CUX1: variants seen among roughly 807,000 people sequenced by gnomAD.
The protein encoded by CUX1 is protein CASP.
CUX1 carries 31 observed loss-of-function variants against 158.8 expected under a neutral mutation model. The ratio of observed to expected loss-of-function variants is 0.20; its 90% CI spans 0.15 to 0.26. The LOEUF (loss-of-function observed/expected upper bound fraction) is 0.26, where lower values mean the gene tolerates loss of function less well. Among genes scored for constraint, CUX1 ranks in the 10% least tolerant of loss-of-function variants. The probability of loss-of-function intolerance (pLI) is 1.00; values close to 1 mark genes in which losing one functional copy is unlikely to be tolerated. For missense variants in CUX1, 1,589 were observed against 2,014.6 expected (o/e 0.79, Z 4.04); for synonymous variants, 879 against 862.1 (o/e 1.02, Z -0.34).
intron 6 of CUX1, among the ~76,000 whole-genome samples, chr7:102,107,972 C>G (rs1478351393): frequency 6.6e-6 from 1 of 152,186 alleles, no homozygotes; most frequent in Non-Finnish European, 1.5e-5. Flanking sequence ...AGTCAAGGCT[C>G]GGACAGATGG....
At chr7:102,066,968 C>T (rs1825617932) in intron 3 of CUX1, among the ~76,000 whole-genome samples, 1 of 152,200 alleles carries the variant, frequency 6.6e-6, no homozygotes, top group African/African-American at 2.4e-5. Flanking sequence ...GCGTTTTAAG[C>T]AGCTTGATTG....
chr7:102,138,369 T>C (rs1834118177), intron 8 of CUX1, among the ~76,000 whole-genome samples: 1 of 152,198 alleles, frequency 6.6e-6, no homozygotes, highest in Admixed American at 6.5e-5. Flanking sequence ...TTCTTTTTTC[T>C]AATTCACAGT....
chr7:101,870,020 G>A (rs1417186292), intron 1 of CUX1, among the ~76,000 whole-genome samples: 1 of 151,526 alleles, frequency 6.6e-6, no homozygotes, highest in Non-Finnish European at 1.5e-5. Context: ...CCCCTCCTGA[G>A]ACCGCCTCCC....
rs563673184 is a variant in CUX1 at position 101,966,088 on chromosome 7, A to G, written c.141+49863A>G. ...TGTTTGTTTTGTTTTGTTTTGGGAC[A>G]GGGTCTCACTCTGTTGCCCAGGCTG... On this transcript the variant is annotated intron_variant, in intron 2 of 23. Transcript: ENST00000292535. Among the ~76,000 whole-genome samples the G allele has an allele frequency of 2.6e-4, 39 of 152,092 alleles. No homozygotes were observed. The South Asian group carries it at 4.8e-3, about 19-fold the overall frequency.
chr7:101,954,097 G>A (rs116999573), intron 2 of CUX1, among the ~76,000 whole-genome samples: 10 of 152,114 alleles, frequency 6.6e-5, no homozygotes, highest in South Asian at 2.1e-4. Flanking sequence ...AGGCTGAGAC[G>A]GGAGGATCAC....
At chr7:102,239,739 TTTTTC>T (rs10634900) in intron 23 of CUX1, among the ~76,000 whole-genome samples, 155 bp downstream of exon 23, 16 of 149,104 alleles carry the variant, frequency 1.1e-4, no homozygotes, top group African/African-American at 1.5e-4. Context: ...TAGGGTTTTT[TTTTTC>T]TTTTCTTTTC....
At chr7:101,963,377 G>A (rs1164881622) in intron 2 of CUX1, among the ~76,000 whole-genome samples, 3 of 152,186 alleles carry the variant, frequency 2.0e-5, no homozygotes, top group Non-Finnish European at 4.4e-5. Context: ...TTGGATTCCA[G>A]CATGTGATGT....
intron 4 of CUX1, among the ~76,000 whole-genome samples, chr7:102,072,935 T>C (rs938281262): frequency 6.6e-6 from 1 of 152,114 alleles, no homozygotes. Flanking sequence ...GAGTTCATTC[T>C]TTGACTTTTT....
In CUX1 at chr7:102,147,719, CGG is replaced by C. The variant is rs2059721296; in HGVS notation, c.675-10840_675-10839del. Among the ~76,000 whole-genome samples the C allele has an allele frequency of 5.3e-5, 8 of 152,150 alleles. No individual in the cohort carries two copies. The South Asian group carries it at 1.7e-3, about 32-fold the overall frequency. The stretch of plus-strand genomic sequence containing the variant: ...GTGTCATTAATTTGCATATTTGGGC[CGG>C]TGCGGTGGCTCATATCTGTCATCCC... On this transcript the variant is annotated intron_variant, in intron 8 of 23. Coordinates refer to ENST00000292535, the MANE Select transcript of CUX1 (RefSeq NM_181552.4).
chr7:102,033,147 C>T (rs529358592), intron 3 of CUX1, among the ~76,000 whole-genome samples: 4 of 152,200 alleles, frequency 2.6e-5, no homozygotes, highest in South Asian at 4.2e-4. Flanking sequence ...AACTAAGCAT[C>T]GGCTTTATAA....
At chr7:102,165,325 A>G (rs868988749) in intron 9 of CUX1, among the ~76,000 whole-genome samples, 7 of 147,658 alleles carry the variant, frequency 4.7e-5, no homozygotes, top group Non-Finnish European at 1.0e-4. Context: ...TCACATCCCA[A>G]TCGGGCACTG....
rs1384795681 is a variant in CUX1, at chr7:102,170,583, C to T, written c.828+33C>T. 5.4e-6 allele frequency: 8 copies of T among 1,468,826 alleles called. No individual in the cohort carries two copies. In the Middle Eastern group the frequency reaches 7.0e-4, roughly 128 times the overall value. 91.0% of individuals were successfully genotyped at this position (1,468,826 alleles called of 1,614,324 possible). On this transcript the variant is annotated intron_variant, in intron 10 of 23. Transcript: ENST00000292535. The stretch of plus-strand genomic sequence containing the variant: ...GCCCCGGCCCCGTGGGGGACTGTCC[C>T]CGCCTGGCCTCCGCACCTTCGAGTT...
chr7:102,047,681 C>T (rs868709261), intron 3 of CUX1, among the ~76,000 whole-genome samples: 2 of 152,166 alleles, frequency 1.3e-5, no homozygotes, highest in Non-Finnish European at 2.9e-5. Context: ...GGAGTAAAAT[C>T]ATCCAACTTG....
At chr7:101,893,150 T>C (rs927668486) in intron 1 of CUX1, among the ~76,000 whole-genome samples, 2 of 137,562 alleles carry the variant, frequency 1.5e-5, no homozygotes, top group African/African-American at 5.2e-5. Context: ...TACTTTTTAT[T>C]TTTATTACTT....
At chr7:102,269,892 T>C (rs1791092958) in intron 14 of CUX1, among the ~76,000 whole-genome samples, 1 of 152,114 alleles carries the variant, frequency 6.6e-6, no homozygotes, top group African/African-American at 2.4e-5. Context: ...CAGCCTCAGG[T>C]CCACAGGTCC....
At chr7:101,883,958 A>G (rs770380967) in intron 1 of CUX1, among the ~76,000 whole-genome samples, 24 of 151,682 alleles carry the variant, frequency 1.6e-4, no homozygotes, top group South Asian at 4.2e-4. Flanking sequence ...CAGTGGTGCA[A>G]TCATAGCTCA....
At chr7:102,052,899 G>T (rs577926828) in intron 3 of CUX1, among the ~76,000 whole-genome samples, 2 of 150,650 alleles carry the variant, frequency 1.3e-5, no homozygotes, top group Non-Finnish European at 3.0e-5. Context: ...CCTCTGCCTC[G>T]CAGGTTCAAG....
intron 14 of CUX1, among the ~76,000 whole-genome samples, chr7:102,271,955 G>A (rs1474483337): frequency 6.6e-6 from 1 of 152,218 alleles, no homozygotes; most frequent in Non-Finnish European, 1.5e-5. Context: ...CTTGGAGGCG[G>A]AGGTTGCAGT....
chr7:102,169,135 G>A (rs187605424), intron 9 of CUX1, among the ~76,000 whole-genome samples: 7 of 151,788 alleles, frequency 4.6e-5, no homozygotes, highest in African/African-American at 1.2e-4. Flanking sequence ...GTTTCTCCAC[G>A]TTGGTCAGGC....
Sources: allele counts gnomAD v4.1 joint callset (sites outside exome capture counted in the v4.1 genomes callset), GRCh38; gene constraint gnomAD v4.1.1; transcripts MANE v1.5; gene names NCBI Gene and HGNC (gene_info 2026-07-23, HGNC 2026-07-21).